Variants in PLEKHG7 observed in about 807,000 individuals in gnomAD.
PLEKHG7 encodes the protein pleckstrin homology domain-containing family G member 7.
PLEKHG7 carries 77 observed loss-of-function variants against 85.2 expected under a neutral mutation model. The ratio of observed to expected loss-of-function variants is 0.90; its 90% CI spans 0.75 to 1.09. PLEKHG7 has a LOEUF of 1.09. Ranked by LOEUF, PLEKHG7 falls within the 50% of genes least tolerant of loss-of-function variation. The pLI is 0.00. For missense variants in PLEKHG7, 777 were observed against 804.3 expected (o/e 0.97, Z 0.41); for synonymous variants, 301 against 302.4 (o/e 1.00, Z 0.05).
intron 3 of PLEKHG7, among the ~76,000 whole-genome samples, chr12:92,718,194 A>G (rs560264226): frequency 2.4e-4 from 37 of 152,350 alleles, no homozygotes; most frequent in African/African-American, 8.7e-4. Context: ...CTTGTTGGAC[A>G]GGATTCAGAG....
intron 15 of PLEKHG7, among the ~76,000 whole-genome samples, chr12:92,768,631 A>G (rs945564762): frequency 5.3e-5 from 8 of 152,116 alleles, no homozygotes; most frequent in Non-Finnish European, 1.2e-4. Flanking sequence ...TGTTTTGTAT[A>G]TTTTTATTAT....
intron 10 of PLEKHG7, among the ~76,000 whole-genome samples, chr12:92,748,022 A>T (rs1872583741): frequency 6.6e-6 from 1 of 152,204 alleles, no homozygotes; most frequent in Non-Finnish European, 1.5e-5. Flanking sequence ...TGTGTTTCAA[A>T]ATAACTAGAA....
chr12:92,769,136 C>A, intron 16 of PLEKHG7, 56 bp downstream of exon 16: 7 of 1,302,534 alleles, frequency 5.4e-6, no homozygotes, highest in Admixed American at 4.0e-5. Flanking sequence ...TAAGCTCCCC[C>A]CAAGTGTCTT....
intron 14 of PLEKHG7, 134 bp from the exon 15 acceptor site, chr12:92,763,907 G>C: frequency 3.3e-6 from 2 of 600,372 alleles, no homozygotes; most frequent in Non-Finnish European, 2.6e-6. Flanking sequence ...GATCCAGAAA[G>C]AGTAGTAAGA....
At chr12:92,741,325 T>G (rs1419222589) in intron 8 of PLEKHG7, among the ~76,000 whole-genome samples, 166 bp from the exon 9 acceptor site, 2 of 152,184 alleles carry the variant, frequency 1.3e-5, no homozygotes, top group Non-Finnish European at 2.9e-5. Flanking sequence ...GAAATACTTA[T>G]AAGAAAATAT....
chr12:92,737,497 G>A lies in PLEKHG7; in HGVS notation c.915G>A (p.Leu305=). ...ELFTSECTYF[L]DHLLVLKMIF... ...TCACAAGTGAATGCACCTATTTTTT[G>A]GACCATTTATTAGTTCTTAAGATGG... is the stretch of plus-strand genomic sequence containing the variant. The change falls in exon 7 of 17, where the codon TTG becomes TTA. Residue 305 remains leucine (L), a synonymous_variant. Transcript: ENST00000344636. The A allele has an allele frequency of 6.2e-7, 1 of 1,603,372 alleles. No individual in the cohort carries two copies. Among genetic ancestry groups the A allele is most frequent in the Non-Finnish European group, 8.5e-7 (1 of 1,177,550 alleles).
chr12:92,761,659 A>AAAGAAAGAAAGG, intron 13 of PLEKHG7, 93 bp from the exon 14 acceptor site: 1 of 1,316,860 alleles, frequency 7.6e-7, no homozygotes, highest in South Asian at 1.8e-5. Context: ...AGAAAGAAAG[A>AAAGAAAGAAAGG]AAGAAAGAAA....
intron 13 of PLEKHG7, among the ~76,000 whole-genome samples, chr12:92,759,113 A>C (rs1449703800): frequency 6.6e-6 from 1 of 152,224 alleles, no homozygotes; most frequent in Non-Finnish European, 1.5e-5. Flanking sequence ...AGCCTTAAAA[A>C]CTGTACTCTT....
In PLEKHG7 at chr12:92,706,475, A is replaced by G. The variant is rs1373958488; in HGVS notation, c.-157A>G. The G allele has an allele frequency of 4.5e-6, 4 of 886,228 alleles. No homozygotes were observed. The Admixed American group carries it at 8.8e-5, about 20-fold the overall frequency. The allele number at this position is 886,228 out of a possible 1,614,324, so 54.9% of individuals were successfully genotyped here. ...GTCTGCTCTTCCTCACTACAGATGCAATAACCTGCTTGACATTCTCCTCTG... is the reference window on the plus strand; with the variant it reads ...GTCTGCTCTTCCTCACTACAGATGCGATAACCTGCTTGACATTCTCCTCTG... On this transcript the variant is annotated 5_prime_UTR_variant, in exon 2 of 17. Transcript: ENST00000344636.
chr12:92,754,311 T>G (rs1441066481), intron 11 of PLEKHG7, 47 bp downstream of exon 11: 1 of 1,578,658 alleles, frequency 6.3e-7, no homozygotes, highest in South Asian at 1.1e-5. Flanking sequence ...TGTGGCCTTG[T>G]GACTCCTGGA....
chr12:92,761,642 GAAAGAAAGAAAGAAA>G (rs1873020353), intron 13 of PLEKHG7, 95 bp from the exon 14 acceptor site: 1 of 778,918 alleles, frequency 1.3e-6, no homozygotes, highest in African/African-American at 2.4e-5. Context: ...AAGAAAGAAA[GAAAGAAAGAAAGAAA>G]GAAAGAAAGA....
chr12:92,707,432 AT>A, intron 2 of PLEKHG7: 10 of 1,432,078 alleles, frequency 7.0e-6, no homozygotes, highest in Non-Finnish European at 9.1e-6. Flanking sequence ...CCCGAGAGCA[AT>A]GGGGGCCCTC....
chr12:92,707,627 T>C (rs1871275155), intron 2 of PLEKHG7, 23 bp from the exon 3 acceptor site: 6 of 1,611,680 alleles, frequency 3.7e-6, no homozygotes, highest in Non-Finnish European at 5.1e-6. Flanking sequence ...GACTAAAACA[T>C]ATGTTCTTAA....
chr12:92,761,624 AAGAAAGAAAG>A (rs1268975595), intron 13 of PLEKHG7, 118 bp from the exon 14 acceptor site: 3 of 53,900 alleles, frequency 5.6e-5, no homozygotes, highest in African/African-American at 4.7e-4. Context: ...AGAAAGAAAG[AAGAAAGAAAG>A]AAAGAAAGAA....
At chr12:92,725,381 G>T (rs1871763682) in intron 3 of PLEKHG7, among the ~76,000 whole-genome samples, 1 of 152,164 alleles carries the variant, frequency 6.6e-6, no homozygotes, top group African/African-American at 2.4e-5. Flanking sequence ...GGTGTCTTAA[G>T]CCAGGGAGGG....
intron 14 of PLEKHG7, among the ~76,000 whole-genome samples, chr12:92,762,897 G>C (rs929074197): frequency 1.3e-5 from 2 of 152,150 alleles, no homozygotes; most frequent in African/African-American, 4.8e-5. Context: ...GCTAATCGGT[G>C]GTTGGGGAGG....
chr12:92,741,447 C>T (rs752768840), intron 8 of PLEKHG7, 44 bp from the exon 9 acceptor site: 1 of 1,313,154 alleles, frequency 7.6e-7, no homozygotes, highest in South Asian at 1.3e-5. Flanking sequence ...ATTCCTTAAC[C>T]CTGGGTGTGT....
chr12:92,726,926 C>G (rs1871833058), intron 3 of PLEKHG7, among the ~76,000 whole-genome samples: 1 of 152,184 alleles, frequency 6.6e-6, no homozygotes, highest in African/African-American at 2.4e-5. Context: ...CCCCATGGAT[C>G]CTGCTGCCTT....
intron 4 of PLEKHG7, among the ~76,000 whole-genome samples, chr12:92,730,491 G>GCTGGA (rs1565789977): frequency 6.6e-6 from 1 of 152,230 alleles, no homozygotes; most frequent in Admixed American, 6.5e-5. Flanking sequence ...GTGGTGTCCA[G>GCTGGA]CAGTCTGTTA....
Sources: allele counts gnomAD v4.1 joint callset (sites outside exome capture counted in the v4.1 genomes callset), GRCh38; gene constraint gnomAD v4.1.1; transcripts MANE v1.5; gene names NCBI Gene and HGNC (gene_info 2026-07-23, HGNC 2026-07-21).